The following NAALADL2 variants were observed in gnomAD, a reference collection of about 807,000 sequenced individuals.
NAALADL2 encodes N-acetylated alpha-linked acidic dipeptidase like 2.
A neutral mutation model predicts 87.2 loss-of-function variants in NAALADL2; 76 were observed. The ratio of observed to expected loss-of-function variants is 0.87; its 90% CI spans 0.72 to 1.05. The LOEUF is 1.05. Among genes scored for constraint, NAALADL2 ranks in the 50% least tolerant of loss-of-function variants. The probability of loss-of-function intolerance (pLI) is 0.00; values close to 1 mark genes in which losing one functional copy is unlikely to be tolerated. For synonymous variants in NAALADL2, 354 were observed against 331.0 expected, an observed-to-expected ratio of 1.07 and a Z score of -0.75; for missense variants, 1,089 against 945.8, an observed-to-expected ratio of 1.15 and a Z score of -1.99.
intron 1 of NAALADL2, among the ~76,000 whole-genome samples, chr3:174,501,036 T>TTTTAC (rs386398593): frequency 2.1e-5 from 3 of 144,452 alleles, no homozygotes; most frequent in African/African-American, 7.7e-5. Flanking sequence ...TTGGATAAAA[T>TTTTAC]TTTAATTTTT....
chr3:174,602,263 A>G (rs1406333331), intron 2 of NAALADL2, among the ~76,000 whole-genome samples: 1 of 152,136 alleles, frequency 6.6e-6, no homozygotes, highest in Non-Finnish European at 1.5e-5. Context: ...AACATGGAAT[A>G]TCTTCCGGTG....
intron 9 of NAALADL2, among the ~76,000 whole-genome samples, chr3:175,486,088 C>A (rs1459947530): frequency 6.7e-6 from 1 of 149,900 alleles, no homozygotes. Flanking sequence ...TTATAGCAGC[C>A]TGAACTGACT....
At chr3:175,755,077 AG>A in intron 12 of NAALADL2, 142 bp from the exon 13 acceptor site, 1 of 629,004 alleles carries the variant, frequency 1.6e-6, no homozygotes, top group African/African-American at 1.9e-5. Context: ...ACAAAAAAAA[AG>A]AGAGAGAGAA....
At chr3:175,610,501 G>A (rs1322584044) in intron 10 of NAALADL2, among the ~76,000 whole-genome samples, 2 of 151,972 alleles carry the variant, frequency 1.3e-5, no homozygotes, top group African/African-American at 4.8e-5. Context: ...TTATTCTCAG[G>A]ATCTTAAGCC....
chr3:175,328,082 T>C (rs910165466), intron 5 of NAALADL2, among the ~76,000 whole-genome samples: 4 of 152,170 alleles, frequency 2.6e-5, no homozygotes, highest in African/African-American at 9.7e-5. Context: ...GTATACATTA[T>C]TGTATTAGCT....
intron 1 of NAALADL2, among the ~76,000 whole-genome samples, chr3:174,465,933 A>G (rs1716505966): frequency 6.6e-6 from 1 of 152,138 alleles, no homozygotes; most frequent in Non-Finnish European, 1.5e-5. Context: ...CAAAATTGCC[A>G]TACCAAAGAG....
intron 1 of NAALADL2, among the ~76,000 whole-genome samples, chr3:174,864,655 G>C (rs1183058139): frequency 2.6e-5 from 4 of 151,892 alleles, no homozygotes; most frequent in Non-Finnish European, 5.9e-5. Flanking sequence ...ATCTGTTTTT[G>C]AATTTTTCTT....
chr3:174,916,953 C>G (rs1020678607), intron 1 of NAALADL2, among the ~76,000 whole-genome samples: 9 of 152,054 alleles, frequency 5.9e-5, no homozygotes, highest in African/African-American at 1.9e-4. Context: ...ATTATCTCTA[C>G]TAGATTTCAT....
At chr3:175,389,640 A>C (rs1291169848) in intron 5 of NAALADL2, among the ~76,000 whole-genome samples, 1 of 152,174 alleles carries the variant, frequency 6.6e-6, no homozygotes, top group African/African-American at 2.4e-5. Context: ...AATCTTTCCT[A>C]TTTTACCTTG....
At chr3:175,755,144 G>C (rs1747096571) in intron 12 of NAALADL2, 76 bp from the exon 13 acceptor site, 2 of 1,247,596 alleles carry the variant, frequency 1.6e-6, no homozygotes, top group East Asian at 4.8e-5. Flanking sequence ...TTATAACTTA[G>C]ATTCCTGATT....
intron 2 of NAALADL2, among the ~76,000 whole-genome samples, chr3:175,174,636 G>A (rs1022686800): frequency 1.3e-5 from 2 of 151,908 alleles, no homozygotes; most frequent in African/African-American, 4.8e-5. Context: ...ATACACACAT[G>A]AGTGTTATTA....
At chr3:175,718,738 C>T (rs1561029442) in intron 11 of NAALADL2, 2 of 1,131,040 alleles carry the variant, frequency 1.8e-6, no homozygotes. Flanking sequence ...CCAACCTGGG[C>T]AACATAGCAA....
intron 5 of NAALADL2, among the ~76,000 whole-genome samples, chr3:175,443,393 C>T (rs554724528): frequency 1.8e-4 from 28 of 152,206 alleles, no homozygotes; most frequent in Non-Finnish European, 3.7e-4. Context: ...TTTTTATTAA[C>T]ATAAATATAT....
At chr3:174,987,377 G>A (rs1044179550) in intron 1 of NAALADL2, among the ~76,000 whole-genome samples, 1 of 150,622 alleles carries the variant, frequency 6.6e-6, no homozygotes, top group African/African-American at 2.4e-5. Context: ...AGACCATCCC[G>A]GCTAAAACGG....
At position 174,781,039 on chromosome 3, in the gene NAALADL2, G is replaced by GCTTA. The variant is rs370853870; in HGVS notation, c.-9+43294_-9+43297dup. The stretch of plus-strand genomic sequence containing the variant: ...ATTTTATTTCTCCTTCCCTTATGAA[G>GCTTA]CTTAGTTTGGCTGGATATGAAATTC... On this transcript the variant is annotated intron_variant, in intron 3 of 3. Coordinates refer to the NAALADL2 transcript ENST00000434257. 8.2e-3 allele frequency among the ~76,000 whole-genome samples: 1,252 copies of GCTTA among 152,110 alleles called. 12 individuals are homozygous for GCTTA. Among genetic ancestry groups the GCTTA allele is most frequent in the Middle Eastern group, 0.027 (8 of 294 alleles).
chr3:174,964,139 A>C (rs1484352998), intron 1 of NAALADL2, among the ~76,000 whole-genome samples: 2 of 152,158 alleles, frequency 1.3e-5, no homozygotes. Context: ...CATGTAATGA[A>C]ATAGTTATTC....
At chr3:175,484,557 G>A (rs1227828487) in intron 9 of NAALADL2, among the ~76,000 whole-genome samples, 1 of 151,996 alleles carries the variant, frequency 6.6e-6, no homozygotes, top group Admixed American at 6.6e-5. Context: ...TTTTAATAAT[G>A]TCAAAATCAT....
At chr3:175,467,770 G>A (rs2149281776) in intron 8 of NAALADL2, among the ~76,000 whole-genome samples, 1 of 152,136 alleles carries the variant, frequency 6.6e-6, no homozygotes, top group Non-Finnish European at 1.5e-5. Context: ...GTATCCAAAT[G>A]AAATCTAGCA....
At chr3:174,980,622 C>T (rs77691231) in intron 1 of NAALADL2, among the ~76,000 whole-genome samples, 2 of 151,874 alleles carry the variant, frequency 1.3e-5, no homozygotes, top group Non-Finnish European at 2.9e-5. Flanking sequence ...GTGTATCATT[C>T]GTCTATTCAT....
Sources: allele counts gnomAD v4.1 joint callset (sites outside exome capture counted in the v4.1 genomes callset), GRCh38; gene constraint gnomAD v4.1.1; transcripts MANE v1.5; gene names NCBI Gene and HGNC (gene_info 2026-07-23, HGNC 2026-07-21).